Variants in GREB1L observed in about 807,000 individuals in gnomAD.
GREB1L encodes GREB1-like protein.
A neutral mutation model predicts 200.8 loss-of-function variants in GREB1L; 17 were observed. That is an observed-to-expected ratio of 0.08 (90% confidence interval 0.06 to 0.13). GREB1L has a LOEUF of 0.13. Among genes scored for constraint, GREB1L ranks in the 10% least tolerant of loss-of-function variants. GREB1L has a pLI of 1.00. For missense variants in GREB1L, 1,657 were observed against 2,367.7 expected (o/e 0.70, Z 6.23); for synonymous variants, 789 against 893.0 (o/e 0.88, Z 2.08).
chr18:21,295,085 A>G (rs2038505939), intron 1 of GREB1L, among the ~76,000 whole-genome samples: 2 of 152,198 alleles, frequency 1.3e-5, no homozygotes, highest in African/African-American at 4.8e-5. Flanking sequence ...AAAGAATTTC[A>G]TGAACTCAGA....
In GREB1L at chr18:21,523,372, GTTAGT is replaced by G. The variant is rs1486700284; in HGVS notation, c.*555_*559del. The G allele has an allele frequency of 6.6e-6, 1 of 152,192 alleles. No homozygotes were observed. The highest frequency in any genetic ancestry group is 1.5e-5 in the Non-Finnish European group (1 of 68,044). The allele number at this position is 152,192 out of a possible 1,614,324, so 9.4% of individuals were successfully genotyped here. ...GTAGCTTTGTCTTTCTCTGTGCAGT[GTTAGT>G]TTAAGATTTATAATCTTCTATGTAT... On this transcript the variant is annotated 3_prime_UTR_variant, in exon 33 of 33. Coordinates refer to ENST00000424526, the MANE Select transcript of GREB1L (RefSeq NM_001142966.3).
chr18:21,251,351 A>T (rs2037700312), intron 1 of GREB1L, among the ~76,000 whole-genome samples: 1 of 152,156 alleles, frequency 6.6e-6, no homozygotes. Context: ...ATTTTCACCT[A>T]ATATTCAATA....
chr18:21,287,170 T>G (rs549744431), intron 1 of GREB1L, among the ~76,000 whole-genome samples: 4 of 152,270 alleles, frequency 2.6e-5, no homozygotes, highest in African/African-American at 9.6e-5. Flanking sequence ...GTTTTTTGTT[T>G]GTTTCGAAAA....
intron 6 of GREB1L, among the ~76,000 whole-genome samples, chr18:21,403,127 A>G (rs752863338): frequency 1.4e-4 from 21 of 152,130 alleles, no homozygotes; most frequent in African/African-American, 4.8e-4. Flanking sequence ...AATCATTTAT[A>G]TTCCTTTTTC....
chr18:21,504,409 G>A (rs959427650), intron 23 of GREB1L, among the ~76,000 whole-genome samples: 1 of 152,184 alleles, frequency 6.6e-6, no homozygotes, highest in African/African-American at 2.4e-5. Flanking sequence ...GATGGTACAC[G>A]CCTGCAATCC....
intron 7 of GREB1L, among the ~76,000 whole-genome samples, chr18:21,425,052 C>T (rs1452960249): frequency 6.6e-6 from 1 of 152,076 alleles, no homozygotes; most frequent in Non-Finnish European, 1.5e-5. Flanking sequence ...AATAAATTTT[C>T]AATTTTTTAA....
At chr18:21,267,610 T>C (rs1451387181) in intron 1 of GREB1L, among the ~76,000 whole-genome samples, 2 of 152,168 alleles carry the variant, frequency 1.3e-5, no homozygotes, top group East Asian at 1.9e-4. Context: ...AGCACAGATG[T>C]AGGGGCTCAG....
intron 2 of GREB1L, among the ~76,000 whole-genome samples, chr18:21,371,759 A>C (rs2039883432): frequency 6.7e-6 from 1 of 149,836 alleles, no homozygotes; most frequent in Non-Finnish European, 1.5e-5. Context: ...ACTCCAGCCT[A>C]GGAGACAGTT....
At position 21,490,067 on chromosome 18, in the gene GREB1L, T is replaced by G. The variant is rs550087671; in HGVS notation, c.2746T>G (p.Ser916Ala). 5 of 1,551,954 alleles carry G rather than the reference T, an allele frequency of 3.2e-6. No individual in the cohort carries two copies. The African/African-American group carries it at 5.5e-5, about 17-fold the overall frequency. Residue 916 changes from serine to alanine, a missense_variant, in exon 19 of 33, where the codon TCT (serine) becomes GCT (alanine). Physicochemically the swap from Ser to Ala is moderately conservative, Grantham distance 99 (BLOSUM62 1). Around this residue, in one of 9 missense-constraint regions of GREB1L, gnomAD observed 82 missense variants for 95.9 expected, o/e 0.85. Coordinates refer to ENST00000424526, the MANE Select transcript of GREB1L (RefSeq NM_001142966.3). ...VRCYLLIQQY[S>A]EALMALTTMA... The stretch of plus-strand genomic sequence containing the variant: ...CTGCTATCTTCTCATCCAGCAGTAC[T>G]CTGAGGCCCTGATGGCTCTCACCAC...
chr18:21,351,944 T>G lies in GREB1L; in HGVS notation c.-119-14083T>G, dbSNP rs2039439512. 2.0e-5 allele frequency among the ~76,000 whole-genome samples: 3 copies of G among 152,106 alleles called. No homozygotes were observed. In the South Asian group the frequency reaches 6.2e-4, roughly 32 times the overall value. On this transcript the variant is annotated intron_variant, in intron 1 of 32. Coordinates refer to ENST00000424526, the MANE Select transcript of GREB1L (RefSeq NM_001142966.3). ...CTCACTGCAAGCTCCGCCTCCCGGATTCAAGCAATTCTTCTGCCTAAGCCT... is the reference window on the plus strand; with the variant it reads ...CTCACTGCAAGCTCCGCCTCCCGGAGTCAAGCAATTCTTCTGCCTAAGCCT...
intron 5 of GREB1L, among the ~76,000 whole-genome samples, chr18:21,400,246 G>A (rs2041262432): frequency 6.6e-6 from 1 of 151,854 alleles, no homozygotes; most frequent in Non-Finnish European, 1.5e-5. Flanking sequence ...CATCCTCCCA[G>A]TTTTCTGTTT....
At chr18:21,334,142 A>G (rs1398060273) in intron 1 of GREB1L, among the ~76,000 whole-genome samples, 1 of 152,224 alleles carries the variant, frequency 6.6e-6, no homozygotes, top group East Asian at 1.9e-4. Flanking sequence ...AATCATTAAA[A>G]TGTGCGTTAA....
At chr18:21,361,482 A>G (rs373919156) in intron 1 of GREB1L, among the ~76,000 whole-genome samples, 1 of 152,200 alleles carries the variant, frequency 6.6e-6, no homozygotes, top group Non-Finnish European at 1.5e-5. Flanking sequence ...GGATCCAGTC[A>G]GGGAAGGGAA....
chr18:21,511,835 C>T (rs1171551224), intron 27 of GREB1L, among the ~76,000 whole-genome samples: 1 of 152,108 alleles, frequency 6.6e-6, no homozygotes, highest in Non-Finnish European at 1.5e-5. Flanking sequence ...TTTGTAGAGA[C>T]ATGGGTCTGT....
intron 27 of GREB1L, among the ~76,000 whole-genome samples, chr18:21,511,697 T>C (rs958455291): frequency 6.6e-6 from 1 of 152,110 alleles, no homozygotes; most frequent in East Asian, 1.9e-4. Flanking sequence ...CAAGCTAGAG[T>C]GTGCAGTGGT....
chr18:21,430,897 C>T (rs1206914789), intron 7 of GREB1L, among the ~76,000 whole-genome samples: 2 of 149,994 alleles, frequency 1.3e-5, no homozygotes, highest in Non-Finnish European at 3.0e-5. Context: ...CACCTGGCCT[C>T]TTTTTTTTAA....
chr18:21,422,346 G>A (rs1357956948), intron 7 of GREB1L, among the ~76,000 whole-genome samples: 1 of 152,124 alleles, frequency 6.6e-6, no homozygotes, highest in African/African-American at 2.4e-5. Context: ...CTATGTGCGT[G>A]TGTATATACA....
At chr18:21,426,678 T>C (rs1397740428) in intron 7 of GREB1L, among the ~76,000 whole-genome samples, 5 of 151,964 alleles carry the variant, frequency 3.3e-5, no homozygotes, top group Non-Finnish European at 7.4e-5. Flanking sequence ...GTTTTCGCTG[T>C]CCAGATGCGG....
At chr18:21,404,451 C>T (rs1233933108) in intron 7 of GREB1L, among the ~76,000 whole-genome samples, 1 of 152,172 alleles carries the variant, frequency 6.6e-6, no homozygotes, top group Non-Finnish European at 1.5e-5. Flanking sequence ...CGGATGAATC[C>T]AGGATCTAGT....
Sources: allele counts gnomAD v4.1 joint callset (sites outside exome capture counted in the v4.1 genomes callset), GRCh38; gene constraint gnomAD v4.1.1; regional missense constraint gnomAD v4.1.1; transcripts MANE v1.5; gene names NCBI Gene and HGNC (gene_info 2026-07-23, HGNC 2026-07-21).